The following GUK1 variants were observed in gnomAD, a reference collection of about 807,000 sequenced individuals.
GUK1 encodes the protein guanylate kinase.
GUK1 carries 18 observed loss-of-function variants against 25.2 expected under a neutral mutation model. The observed-to-expected ratio is 0.71, with a 90% CI of 0.49 to 1.06. The LOEUF (loss-of-function observed/expected upper bound fraction) is 1.06, where lower values mean the gene tolerates loss of function less well. Among genes scored for constraint, GUK1 ranks in the 50% least tolerant of loss-of-function variants. GUK1 has a pLI of 0.00. For synonymous variants in GUK1, 105 were observed against 117.6 expected, an observed-to-expected ratio of 0.89 and a Z score of 0.69; for missense variants, 261 against 276.7, an observed-to-expected ratio of 0.94 and a Z score of 0.40.
chr1:228,144,133 C>T (rs2124937749), intron 2 of GUK1, among the ~76,000 whole-genome samples: 1 of 152,122 alleles, frequency 6.6e-6, no homozygotes, highest in Middle Eastern at 3.4e-3. Context: ...GTGCACACAT[C>T]CTGCATACCT....
chr1:228,147,330 G>C, intron 5 of GUK1, 76 bp from the exon 5 acceptor site: 4 of 1,412,712 alleles, frequency 2.8e-6, no homozygotes, highest in Non-Finnish European at 2.9e-6. Flanking sequence ...GGGCCCGGGA[G>C]GGCCTGGGTG....
In GUK1 at chr1:228,146,029, CCA is replaced by C; in HGVS notation, c.118_119del (p.Thr40GlufsTer24). The C allele has an allele frequency of 6.2e-7, 1 of 1,610,922 alleles. No individual in the cohort carries two copies. The highest frequency in any genetic ancestry group is 8.5e-7 in the Non-Finnish European group (1 of 1,177,222). On this transcript the variant is annotated frameshift_variant, in exon 4 of 9. Coordinates refer to ENST00000312726, the MANE Select transcript of GUK1 (RefSeq NM_000858.7). LOFTEE classifies it high-confidence loss of function. ...GGGTGACAGGTCTCTCTGCTAGATACCACGAGGAACCCGAGGCCCGGCGAGGA... is the reference window on the plus strand; with the variant it reads ...GGGTGACAGGTCTCTCTGCTAGATACCGAGGAACCCGAGGCCCGGCGAGGA...
intron 7 of GUK1, chr1:228,147,949 C>T (rs970722799): frequency 5.1e-6 from 3 of 583,034 alleles, no homozygotes; most frequent in African/African-American, 3.7e-5. Context: ...CCGTGAGGGC[C>T]CCCAGACCCC....
Position 228,148,474 on chromosome 1 carries a change from C to T in GUK1, c.561+18C>T, listed in dbSNP as rs751578817. On this transcript the variant is annotated intron_variant, in intron 8 of 8. Coordinates refer to ENST00000312726, the MANE Select transcript of GUK1 (RefSeq NM_000858.7). ...TCTCTGAGGTGGGCCCATCCTTGTGCCTACCTGGGCAAGGCCCAAGGGGAG... is the reference window on the plus strand; with the variant it reads ...TCTCTGAGGTGGGCCCATCCTTGTGTCTACCTGGGCAAGGCCCAAGGGGAG... The T allele has an allele frequency of 1.3e-5, 20 of 1,553,038 alleles. No individual in the cohort carries two copies. The highest frequency in any genetic ancestry group is 1.7e-5 in the Non-Finnish European group (19 of 1,146,006).
In GUK1 at chr1:228,148,872, G is replaced by T; in HGVS notation, c.*175G>T. Reference sequence around the variant, plus strand: ...GGGTGACCCCCGACCCAGCCTCGCTGGGCTGTCCCCTGTCCCTATCTCTCA... The same window carrying T: ...GGGTGACCCCCGACCCAGCCTCGCTTGGCTGTCCCCTGTCCCTATCTCTCA... On this transcript the variant is annotated 3_prime_UTR_variant, in exon 9 of 9. Coordinates refer to ENST00000312726, the MANE Select transcript of GUK1 (RefSeq NM_000858.7). The T allele has an allele frequency of 6.6e-7, 1 of 1,513,300 alleles. No homozygotes were observed. The allele number at this position is 1,513,300 out of a possible 1,614,324, so 93.7% of individuals were successfully genotyped here. A position where few individuals can be genotyped will look rare whatever the true frequency, so the allele number is the denominator to read the frequency against.
intron 4 of GUK1, chr1:228,146,526 T>C (rs1402460875): frequency 1.5e-5 from 7 of 460,184 alleles, no homozygotes; most frequent in Non-Finnish European, 2.8e-5. Context: ...CCTGACGGTC[T>C]CCAGTTCCCC....
At position 228,147,660 on chromosome 1, in the gene GUK1, G is replaced by T. The variant is rs771971710; in HGVS notation, c.436G>T (p.Val146Leu). ...CAACACTGAAACCGAGGAGAGCCTG[G>T]TGAAGCGGCTGGCTGCTGCCCAGGC... The change falls in exon 7 of 9, where the codon GTG becomes TTG. Residue 146 changes from valine to leucine, a missense_variant. Physicochemically the swap from Val to Leu is conservative, Grantham distance 32. Transcript: ENST00000312726. The T allele has an allele frequency of 6.2e-7, 1 of 1,612,904 alleles. No individual in the cohort carries two copies. Among genetic ancestry groups the T allele is most frequent in the East Asian group, 2.2e-5 (1 of 44,890 alleles).
chr1:228,140,754 G>T (rs2034000983), intron 1 of GUK1, among the ~76,000 whole-genome samples: 1 of 152,250 alleles, frequency 6.6e-6, no homozygotes, highest in Non-Finnish European at 1.5e-5. Context: ...CAAGCCTTGG[G>T]GTCCTGGGCG....
chr1:228,148,591 G>C (rs1321465548), intron 8 of GUK1, 74 bp from the exon 8 acceptor site: 13 of 1,444,580 alleles, frequency 9.0e-6, no homozygotes, highest in Non-Finnish European at 1.2e-5. Context: ...CGAGGTCCAC[G>C]GTGGAGGGAG....
At chr1:228,143,499 G>A (rs2034179560) in intron 2 of GUK1, among the ~76,000 whole-genome samples, 1 of 152,360 alleles carries the variant, frequency 6.6e-6, no homozygotes, top group African/African-American at 2.4e-5. Flanking sequence ...ATTGCTGGAT[G>A]TGTCCTGAGA....
Position 228,147,668 on chromosome 1 carries a change from G to A in GUK1, c.444G>A (p.Arg148=). ...AAACCGAGGAGAGCCTGGTGAAGCG[G>A]CTGGCTGCTGCCCAGGCCGACATGG... Residue 148 remains arginine (R), a synonymous_variant, in exon 7 of 9, where the codon CGG becomes CGA. Coordinates refer to ENST00000312726, the MANE Select transcript of GUK1 (RefSeq NM_000858.7). 3 of 1,612,934 alleles carry A rather than the reference G, an allele frequency of 1.9e-6. No homozygotes were observed. Among genetic ancestry groups the A allele is most frequent in the Non-Finnish European group, 2.5e-6 (3 of 1,179,970 alleles).
At chr1:228,143,490 T>C (rs1167456618) in intron 2 of GUK1, among the ~76,000 whole-genome samples, 1 of 152,210 alleles carries the variant, frequency 6.6e-6, no homozygotes, top group Non-Finnish European at 1.5e-5. Context: ...TGTGTAGCAA[T>C]TGCTGGATGT....
intron 2 of GUK1, among the ~76,000 whole-genome samples, chr1:228,143,369 A>G (rs1321684922): frequency 6.6e-6 from 1 of 152,214 alleles, no homozygotes; most frequent in Non-Finnish European, 1.5e-5. Context: ...GCTCTCCCAT[A>G]TCGGGTCCTT....
In GUK1 at chr1:228,146,023, T is replaced by C. The variant is rs112674254; in HGVS notation, c.113-3T>C. Reference sequence around the variant, plus strand: ...CCCGATGGGTGACAGGTCTCTCTGCTAGATACCACGAGGAACCCGAGGCCC... The same window carrying C: ...CCCGATGGGTGACAGGTCTCTCTGCCAGATACCACGAGGAACCCGAGGCCC... On this transcript the variant is annotated splice_region_variant and splice_polypyrimidine_tract_variant and intron_variant, in intron 3 of 8. Coordinates refer to ENST00000312726, the MANE Select transcript of GUK1 (RefSeq NM_000858.7). 2.2e-5 allele frequency: 35 copies of C among 1,609,504 alleles called. No individual in the cohort carries two copies. The highest frequency in any genetic ancestry group is 3.0e-5 in the Non-Finnish European group (35 of 1,175,988).
chr1:228,143,618 G>A (rs1424304265), intron 2 of GUK1, among the ~76,000 whole-genome samples: 1 of 152,182 alleles, frequency 6.6e-6, no homozygotes, highest in African/African-American at 2.4e-5. Context: ...TGCATTATGG[G>A]AACCAGGCTG....
rs181607511 is a variant in GUK1 at position 228,142,332 on chromosome 1, T to C, written c.-3+1044T>C. Among the ~76,000 whole-genome samples the C allele has an allele frequency of 3.0e-3, 455 of 151,910 alleles. 3 individuals are homozygous for C. The highest frequency in any genetic ancestry group is 0.021 in the Middle Eastern group (6 of 280). On this transcript the variant is annotated intron_variant, in intron 2 of 8. Transcript: ENST00000312726. The stretch of plus-strand genomic sequence containing the variant: ...AGAGTTCTTGGCAATTGGTGTGTCA[T>C]GTGTGCCTCGTGCCCTGTGCTGGGC...
rs368879259 is a variant in GUK1 at position 228,147,501 on chromosome 1, G to A, written c.347G>A (p.Arg116Gln). 27 of 1,613,194 alleles carry A rather than the reference G, an allele frequency of 1.7e-5. 1 individual carries two copies. Among genetic ancestry groups the A allele is most frequent in the South Asian group, 8.8e-5 (8 of 91,088 alleles). ...CGGAACATCAAGGCCACCGATCTGC[G>A]GCCCATCTACATCTCTGTGCAGCCG... The change falls in exon 6 of 9, where the codon CGG (arginine) becomes CAG (glutamine). Residue 116 changes from arginine (R) to glutamine (Q), a missense_variant. Transcript: ENST00000312726.
At chr1:228,147,982 A>C in intron 7 of GUK1, 2 of 583,202 alleles carry the variant, frequency 3.4e-6, no homozygotes, top group Non-Finnish European at 3.0e-6. Context: ...GTCCCATGAG[A>C]TGTCCCCAAC....
chr1:228,147,845 C>T (rs1224970288), intron 7 of GUK1, 146 bp downstream of exon 6: 6 of 649,454 alleles, frequency 9.2e-6, no homozygotes, highest in Non-Finnish European at 1.6e-5. Flanking sequence ...TACCTCCCAA[C>T]ACCTAGAGTC....
Sources: allele counts gnomAD v4.1 joint callset (sites outside exome capture counted in the v4.1 genomes callset), GRCh38; gene constraint gnomAD v4.1.1; transcripts MANE v1.5; gene names NCBI Gene and HGNC (gene_info 2026-07-23, HGNC 2026-07-21).